Variants in RASAL2 observed in about 807,000 individuals in gnomAD.
RASAL2 encodes the protein RAS protein activator like 2.
RASAL2 carries 58 observed loss-of-function variants against 128.9 expected under a neutral mutation model. The ratio of observed to expected loss-of-function variants is 0.45; its 90% CI spans 0.36 to 0.56. The LOEUF is 0.56. Among genes scored for constraint, RASAL2 ranks in the 20% least tolerant of loss-of-function variants. The pLI is 0.00. For synonymous variants in RASAL2, 561 were observed against 580.8 expected, an observed-to-expected ratio of 0.97 and a Z score of 0.49; for missense variants, 1,360 against 1,601.6, an observed-to-expected ratio of 0.85 and a Z score of 2.57.
At chr1:178,142,851 C>T (rs1327749664) in intron 1 of RASAL2, among the ~76,000 whole-genome samples, 1 of 151,996 alleles carries the variant, frequency 6.6e-6, no homozygotes, top group East Asian at 1.9e-4. Flanking sequence ...GGGAAGGACT[C>T]CGCCCAACCA....
intron 1 of RASAL2, among the ~76,000 whole-genome samples, chr1:178,205,720 G>A (rs1179322619): frequency 2.0e-5 from 3 of 151,960 alleles, no homozygotes; most frequent in African/African-American, 4.8e-5. Context: ...TCGCGCCACT[G>A]CACTCCAGCC....
At chr1:178,443,737 GT>G (rs1321112448) in intron 8 of RASAL2, among the ~76,000 whole-genome samples, 1 of 152,118 alleles carries the variant, frequency 6.6e-6, no homozygotes, top group Non-Finnish European at 1.5e-5. Flanking sequence ...ATTGGTAGCT[GT>G]TTCATGATAC....
chr1:178,319,971 C>T (rs1458833073), intron 3 of RASAL2, among the ~76,000 whole-genome samples: 20 of 152,050 alleles, frequency 1.3e-4, no homozygotes, highest in Admixed American at 7.2e-4. Flanking sequence ...GATGGGTTTT[C>T]GGTGTGGATG....
At chr1:178,132,408 C>G (rs1660154648) in intron 1 of RASAL2, among the ~76,000 whole-genome samples, 1 of 151,906 alleles carries the variant, frequency 6.6e-6, no homozygotes, top group African/African-American at 2.4e-5. Context: ...ATACCTGTTA[C>G]CTGTTTTCTT....
intron 1 of RASAL2, among the ~76,000 whole-genome samples, chr1:178,198,163 T>G (rs768674043): frequency 2.6e-5 from 4 of 152,218 alleles, no homozygotes; most frequent in Non-Finnish European, 5.9e-5. Flanking sequence ...TAAACATACA[T>G]GTGCATGTGT....
intron 1 of RASAL2, among the ~76,000 whole-genome samples, chr1:178,245,346 CAT>C (rs1157103066): frequency 1.3e-5 from 2 of 152,158 alleles, no homozygotes; most frequent in Non-Finnish European, 2.9e-5. Flanking sequence ...AGCTTTTTTT[CAT>C]ATGTTTGTCA....
chr1:178,171,669 A>G (rs967687077), intron 1 of RASAL2, among the ~76,000 whole-genome samples: 8 of 151,922 alleles, frequency 5.3e-5, no homozygotes, highest in African/African-American at 1.9e-4. Context: ...GAGGTGGCCT[A>G]TTTGGAGATG....
intron 3 of RASAL2, among the ~76,000 whole-genome samples, chr1:178,349,257 T>TAA (rs1260231020): frequency 7.3e-6 from 1 of 137,082 alleles, no homozygotes; most frequent in African/African-American, 3.0e-5. Flanking sequence ...TGTCTCTACT[T>TAA]TAAAAAAAAA....
chr1:178,373,629 C>T (rs992850169), intron 3 of RASAL2, among the ~76,000 whole-genome samples: 2 of 151,924 alleles, frequency 1.3e-5, no homozygotes, highest in Non-Finnish European at 2.9e-5. Flanking sequence ...TCTGGCATAC[C>T]TTTATGAATT....
chr1:178,269,146 G>GGA, intron 1 of RASAL2, among the ~76,000 whole-genome samples: 1 of 152,192 alleles, frequency 6.6e-6, no homozygotes, highest in African/African-American at 2.4e-5. Context: ...ATAAAGAAGG[G>GGA]GAGAGGCTCC....
intron 3 of RASAL2, among the ~76,000 whole-genome samples, chr1:178,321,930 G>A (rs1190673781): frequency 6.6e-6 from 1 of 151,656 alleles, no homozygotes; most frequent in East Asian, 1.9e-4. Flanking sequence ...GGAGGTTTTG[G>A]TGAGCCGAGA....
chr1:178,238,798 A>T (rs1261126982), intron 1 of RASAL2, among the ~76,000 whole-genome samples: 1 of 152,072 alleles, frequency 6.6e-6, no homozygotes, highest in Non-Finnish European at 1.5e-5. Flanking sequence ...AATGAACAGT[A>T]TGATTTGTCT....
intron 3 of RASAL2, among the ~76,000 whole-genome samples, chr1:178,363,839 G>C (rs1422235217): frequency 6.6e-6 from 1 of 152,182 alleles, no homozygotes; most frequent in Non-Finnish European, 1.5e-5. Context: ...GCTCACGCCT[G>C]TAATCCCAGC....
At chr1:178,440,804 G>A (rs1042472310) in intron 6 of RASAL2, among the ~76,000 whole-genome samples, 2 of 152,052 alleles carry the variant, frequency 1.3e-5, no homozygotes, top group Admixed American at 1.3e-4. Flanking sequence ...GGCTGGTTGC[G>A]TAGTGGAGGA....
intron 3 of RASAL2, among the ~76,000 whole-genome samples, chr1:178,370,732 C>G (rs1671657434): frequency 6.6e-6 from 1 of 152,066 alleles, no homozygotes; most frequent in African/African-American, 2.4e-5. Flanking sequence ...CATCTAAGTG[C>G]CAAGCACTGC....
Position 178,442,800 on chromosome 1 carries a change from C to T in RASAL2, c.1053C>T (p.Ser351=). ...ATACCCTCTTTGCTCGTACAACCAG[C>T]AAGACCAAAGCAGACAATATTTTCT... ...LDDTLFARTT[S]KTKADNIFWG... is the part of the protein sequence containing the mutation. Residue 351 remains serine, a synonymous_variant, in exon 8 of 18, where the codon AGC becomes AGT. Coordinates refer to ENST00000367649, the MANE Select transcript of RASAL2 (RefSeq NM_170692.4). 1 of 1,613,850 alleles carries T rather than the reference C, an allele frequency of 6.2e-7. No individual in the cohort carries two copies. The highest frequency in any genetic ancestry group is 8.5e-7 in the Non-Finnish European group (1 of 1,179,944).
At chr1:178,326,283 A>C (rs1349184423) in intron 3 of RASAL2, among the ~76,000 whole-genome samples, 1 of 152,198 alleles carries the variant, frequency 6.6e-6, no homozygotes, top group Non-Finnish European at 1.5e-5. Flanking sequence ...ATCAGTTCCC[A>C]TCAGGGAATA....
chr1:178,329,236 G>C (rs1361481520), intron 3 of RASAL2, among the ~76,000 whole-genome samples: 3 of 152,180 alleles, frequency 2.0e-5, no homozygotes, highest in African/African-American at 7.2e-5. Flanking sequence ...AGTGCTGTGG[G>C]TGGAGAAGGA....
chr1:178,134,501 G>T (rs1020053589), intron 1 of RASAL2, among the ~76,000 whole-genome samples: 2 of 150,912 alleles, frequency 1.3e-5, no homozygotes, highest in African/African-American at 4.9e-5. Context: ...TGATGTTGAA[G>T]GTGAAGCCTG....
Sources: gnomAD v4.1 joint callset for allele counts (sites outside exome capture counted in the v4.1 genomes callset) on GRCh38, gnomAD v4.1.1 for gene constraint, MANE v1.5 for transcripts, NCBI Gene and HGNC (gene_info 2026-07-23, HGNC 2026-07-21) for gene names.